The following CCPG1 variants were observed in gnomAD, a reference collection of about 807,000 sequenced individuals.
CCPG1 encodes cell cycle progression protein 1.
CCPG1 carries 46 observed loss-of-function variants against 81.3 expected under a neutral mutation model. The ratio of observed to expected loss-of-function variants is 0.57; its 90% CI spans 0.45 to 0.72. CCPG1 has a LOEUF of 0.72. Ranked by LOEUF, CCPG1 falls within the 30% of genes least tolerant of loss-of-function variation. CCPG1 has a pLI of 0.00. For missense variants in CCPG1, 902 were observed against 937.6 expected (o/e 0.96, Z 0.50); for synonymous variants, 330 against 305.2 (o/e 1.08, Z -0.85).
rs764568330 is a variant in CCPG1, at chr15:55,360,719, G to C, written c.1054C>G (p.Gln352Glu). 1 of 1,611,830 alleles carries C rather than the reference G, an allele frequency of 6.2e-7. No individual in the cohort carries two copies. The highest frequency in any genetic ancestry group is 1.1e-5 in the South Asian group (1 of 90,488). ...TCTTCCAAATGCTGCTTAAGTTTCT[G>C]ATTTTCTTTAACTAATTCAGTACTT... Reference protein sequence around the residue: ...GTSTELVKENQKLKQHLEEEK... With the variant: ...GTSTELVKENEKLKQHLEEEK... Residue 352 changes from glutamine (Q) to glutamate (E), a missense_variant, in exon 8 of 9, where the codon CAG (glutamine) becomes GAG (glutamate). By Grantham distance (29) the Gln-to-Glu change is conservative. Transcript: ENST00000442196.
intron 5 of CCPG1, chr15:55,372,845 T>C (rs568440844): frequency 6.7e-5 from 30 of 450,744 alleles, no homozygotes; most frequent in Non-Finnish European, 1.0e-4. Context: ...AAAAGTTTCC[T>C]TGGGTGTATC....
At chr15:55,386,852 C>G (rs1595853318) in intron 2 of CCPG1, among the ~76,000 whole-genome samples, 1 of 151,324 alleles carries the variant, frequency 6.6e-6, no homozygotes, top group African/African-American at 2.4e-5. Flanking sequence ...AGCAGAGATC[C>G]TGCCACTGCA....
chr15:55,386,193 C>CAAAAA, intron 2 of CCPG1, among the ~76,000 whole-genome samples: 1 of 103,862 alleles, frequency 9.6e-6, no homozygotes, highest in Non-Finnish European at 1.8e-5. Flanking sequence ...AATTCCGTCT[C>CAAAAA]AAAAAAAAAA....
intron 3 of CCPG1, among the ~76,000 whole-genome samples, chr15:55,381,517 C>G (rs1421286949): frequency 6.6e-6 from 1 of 152,172 alleles, no homozygotes; most frequent in Non-Finnish European, 1.5e-5. Flanking sequence ...CCATAGCTTT[C>G]AGATTCTCAA....
chr15:55,360,723 T>C lies in CCPG1; in HGVS notation c.1050A>G (p.Glu350=), dbSNP rs1279005250. Reference sequence around the variant, plus strand: ...CCAAATGCTGCTTAAGTTTCTGATTTTCTTTAACTAATTCAGTACTTGTCC... The same window carrying C: ...CCAAATGCTGCTTAAGTTTCTGATTCTCTTTAACTAATTCAGTACTTGTCC... ...DKGTSTELVK[E]NQKLKQHLEE... Residue 350 remains glutamate (E), a synonymous_variant, in exon 8 of 9, where the codon GAA becomes GAG. Coordinates refer to ENST00000442196, the MANE Select transcript of CCPG1 (RefSeq NM_001204450.2). 6.2e-7 allele frequency: 1 copy of C among 1,611,732 alleles called. No individual in the cohort carries two copies. Among genetic ancestry groups the C allele is most frequent in the African/African-American group, 1.3e-5 (1 of 74,584 alleles).
rs1248848828 is a variant in CCPG1, at chr15:55,359,799, C to G, written c.1974G>C (p.Gln658His). 1.2e-6 allele frequency: 2 copies of G among 1,613,112 alleles called. No individual in the cohort carries two copies. Among genetic ancestry groups the G allele is most frequent in the East Asian group, 2.2e-5 (1 of 44,862 alleles). ...VNPIRMDEFR[Q>H]IIQRYMLKEL... ...CTTTTAACATGTACCTTTGAATTAT[C>G]TGTCTAAATTCATCCATCCTTATAG... Residue 658 changes from glutamine (Q) to histidine (H), a missense_variant, in exon 8 of 9, where the codon CAG becomes CAC. By Grantham distance (24) the Gln-to-His change is conservative (BLOSUM62 0). This residue lies in a region of CCPG1 where 746 missense variants were observed against 728.6 expected (regional missense o/e 1.02). Transcript: ENST00000442196.
chr15:55,407,642 T>C (rs1414186976), intron 1 of CCPG1, among the ~76,000 whole-genome samples: 2 of 151,958 alleles, frequency 1.3e-5, no homozygotes, highest in East Asian at 3.9e-4. Context: ...ACAAATCGAT[T>C]AGGGAGACCA....
intron 3 of CCPG1, among the ~76,000 whole-genome samples, chr15:55,382,161 G>A (rs1335057138): frequency 6.6e-6 from 1 of 152,152 alleles, no homozygotes; most frequent in Admixed American, 6.6e-5. Flanking sequence ...GAGTAGCTGG[G>A]GCAATTTCTT....
intron 2 of CCPG1, among the ~76,000 whole-genome samples, chr15:55,387,963 C>T (rs1381257009): frequency 2.7e-5 from 4 of 150,792 alleles, no homozygotes; most frequent in African/African-American, 4.9e-5. Context: ...ACCAGCCTGA[C>T]CAACATGGAG....
chr15:55,364,829 C>T (rs952924138), intron 7 of CCPG1, among the ~76,000 whole-genome samples: 10 of 137,568 alleles, frequency 7.3e-5, no homozygotes, highest in Non-Finnish European at 3.3e-5. Flanking sequence ...CCTGAGGTTG[C>T]ACCACTGCAC....
intron 1 of CCPG1, among the ~76,000 whole-genome samples, chr15:55,392,963 G>A (rs2056950400): frequency 6.6e-6 from 1 of 152,150 alleles, no homozygotes; most frequent in Admixed American, 6.6e-5. Context: ...AATTAGCCGG[G>A]CATGGTGGCA....
At position 55,360,108 on chromosome 15, in the gene CCPG1, T is replaced by C. The variant is rs1206847008; in HGVS notation, c.1665A>G (p.Thr555=). The change falls in exon 8 of 9, where the codon ACA becomes ACG. Residue 555 remains threonine, a synonymous_variant. Transcript: ENST00000442196. ...TTCTTGGTTTTTCAGCTGCTTCTTT[T>C]GTAGCACCAAATCTTTTATTACCCT... ...DEKGNKRFGA[T]KEAAEKPRTV... The C allele has an allele frequency of 6.2e-7, 1 of 1,614,016 alleles. No homozygotes were observed. The highest frequency in any genetic ancestry group is 2.2e-5 in the East Asian group (1 of 44,866).
At chr15:55,372,316 C>T in intron 5 of CCPG1, 1 of 465,178 alleles carries the variant, frequency 2.1e-6, no homozygotes, top group South Asian at 2.3e-5. Flanking sequence ...TTTAATCCTC[C>T]TCGCCTTATA....
chr15:55,401,068 TCTA>T (rs2057120025), intron 1 of CCPG1, among the ~76,000 whole-genome samples: 1 of 152,232 alleles, frequency 6.6e-6, no homozygotes, highest in South Asian at 2.1e-4. Context: ...TCCTGTATTT[TCTA>T]CTAATACTTC....
At chr15:55,366,669 G>A (rs1232549864) in intron 6 of CCPG1, among the ~76,000 whole-genome samples, 1 of 152,174 alleles carries the variant, frequency 6.6e-6, no homozygotes, top group Admixed American at 6.6e-5. Context: ...CTACTCGGGA[G>A]GCTGCGGCAG....
intron 8 of CCPG1, chr15:55,358,739 A>C (rs2056132070): frequency 2.0e-6 from 2 of 985,408 alleles, no homozygotes. Context: ...AGCTCCTTTG[A>C]AGCAAAAATT....
At chr15:55,387,869 TGGCCG>T (rs2056833690) in intron 2 of CCPG1, among the ~76,000 whole-genome samples, 1 of 135,982 alleles carries the variant, frequency 7.4e-6, no homozygotes. Flanking sequence ...AAAAAACAAG[TGGCCG>T]GGCACGGTGG....
intron 7 of CCPG1, among the ~76,000 whole-genome samples, chr15:55,363,967 C>T (rs980819708): frequency 6.7e-6 from 1 of 149,806 alleles, no homozygotes. Flanking sequence ...CCACACCAGG[C>T]TGATTTTTGT....
chr15:55,365,128 TCTAA>T (rs1384158584), intron 7 of CCPG1, 56 bp downstream of exon 7: 2 of 1,016,464 alleles, frequency 2.0e-6, no homozygotes, highest in Non-Finnish European at 2.9e-6. Context: ...CACAATAAGC[TCTAA>T]CTAATAAGCA....
Sources: allele counts gnomAD v4.1 joint callset (sites outside exome capture counted in the v4.1 genomes callset), GRCh38; gene constraint gnomAD v4.1.1; regional missense constraint gnomAD v4.1.1; transcripts MANE v1.5; gene names NCBI Gene and HGNC (gene_info 2026-07-23, HGNC 2026-07-21).